The following SLC7A11 variants were observed in gnomAD, a reference collection of about 807,000 sequenced individuals.
SLC7A11 encodes the protein solute carrier family 7 member 11.
In SLC7A11, 35 loss-of-function variants were observed where a neutral mutation model predicts 54.5. That is an observed-to-expected ratio of 0.64 (90% CI 0.49 to 0.85). The LOEUF (loss-of-function observed/expected upper bound fraction) is 0.85, where lower values mean the gene tolerates loss of function less well. SLC7A11 is among the 40% of genes least tolerant of loss of function. SLC7A11 has a pLI of 0.00. For missense variants in SLC7A11, 583 were observed against 618.1 expected (o/e 0.94, Z 0.60); for synonymous variants, 230 against 225.2 (o/e 1.02, Z -0.19).
intron 6 of SLC7A11, among the ~76,000 whole-genome samples, chr4:138,194,813 T>C (rs936709104): frequency 6.6e-6 from 1 of 152,190 alleles, no homozygotes; most frequent in African/African-American, 2.4e-5. Context: ...GACAAGGGTG[T>C]TGAATTAATG....
At chr4:138,223,395 C>A in intron 3 of SLC7A11, 71 bp from the exon 4 acceptor site, 1 of 1,525,056 alleles carries the variant, frequency 6.6e-7, no homozygotes, top group African/African-American at 1.4e-5. Flanking sequence ...GTCCTTGTTA[C>A]TCAAAGGGCA....
At position 138,171,771 on chromosome 4, in the gene SLC7A11, T is replaced by C. The variant is rs1736430814; in HGVS notation, c.*185A>G. On this transcript the variant is annotated 3_prime_UTR_variant, in exon 12 of 12. Transcript: ENST00000280612. ...TAACTGCATATTCACTTTCTATAAC[T>C]ACATAGAGTTATAACTAAATTTCTT... The C allele has an allele frequency of 1.5e-6, 1 of 680,844 alleles. No homozygotes were observed. Among genetic ancestry groups the C allele is most frequent in the East Asian group, 3.3e-5 (1 of 30,368 alleles). 42.2% of individuals were successfully genotyped at this position (680,844 alleles called of 1,614,324 possible).
At chr4:138,173,798 G>A (rs1021063018) in intron 11 of SLC7A11, among the ~76,000 whole-genome samples, 12 of 151,936 alleles carry the variant, frequency 7.9e-5, no homozygotes, top group African/African-American at 2.9e-4. Context: ...ATTTTACACA[G>A]CCGACTCTTT....
intron 6 of SLC7A11, among the ~76,000 whole-genome samples, chr4:138,212,713 CT>C (rs1417147675): frequency 9.8e-4 from 149 of 151,858 alleles, no homozygotes; most frequent in Non-Finnish European, 4.9e-4. Context: ...TCAAGATATG[CT>C]TAATATACAC....
chr4:138,194,075 T>C (rs923405709), intron 6 of SLC7A11, among the ~76,000 whole-genome samples: 1 of 151,804 alleles, frequency 6.6e-6, no homozygotes, highest in Non-Finnish European at 1.5e-5. Context: ...ACAGAGGACA[T>C]GACATAGCAG....
chr4:138,169,054 T>G lies in SLC7A11; in HGVS notation c.*2902A>C, dbSNP rs1736342037. On this transcript the variant is annotated 3_prime_UTR_variant, in exon 12 of 12. Transcript: ENST00000280612. The stretch of plus-strand genomic sequence containing the variant: ...CCCACAAAAATTAAAAAATACTATA[T>G]TAGTTATTTTAAACAGTATTCATTA... 1 of 152,178 alleles carries G rather than the reference T, an allele frequency of 6.6e-6. No individual in the cohort carries two copies. The highest frequency in any genetic ancestry group is 2.4e-5 in the African/African-American group (1 of 41,448). 9.4% of individuals were successfully genotyped at this position (152,178 alleles called of 1,614,324 possible). A position where few individuals can be genotyped will look rare whatever the true frequency, so the allele number is the denominator to read the frequency against.
At position 138,172,912 on chromosome 4, in the gene SLC7A11, C is replaced by T. The variant is rs143142623; in HGVS notation, c.1445-895G>A. Among the ~76,000 whole-genome samples, 890 of 152,192 alleles carry T rather than the reference C, an allele frequency of 5.8e-3. 5 individuals are homozygous for T. Among genetic ancestry groups the T allele is most frequent in the African/African-American group, 0.02 (842 of 41,532 alleles). On this transcript the variant is annotated intron_variant, in intron 11 of 11. Transcript: ENST00000280612. ...AGGTTAGAGTGCAATGGTGCGATCT[C>T]GGCTCACTGAAACCTCCACCTCCCA...
chr4:138,231,822 G>A (rs116922681), intron 3 of SLC7A11, among the ~76,000 whole-genome samples: 1 of 152,192 alleles, frequency 6.6e-6, no homozygotes, highest in East Asian at 1.9e-4. Context: ...ACAGGCAGCT[G>A]ACATTATAAC....
At chr4:138,208,319 A>T (rs1186442744) in intron 6 of SLC7A11, among the ~76,000 whole-genome samples, 1 of 152,124 alleles carries the variant, frequency 6.6e-6, no homozygotes. Flanking sequence ...AGAAGGAATA[A>T]ATGAAGTGAG....
At position 138,241,878 on chromosome 4, in the gene SLC7A11, G is replaced by A. The variant is rs1738389346; in HGVS notation, c.192C>T (p.Ile64=). Residue 64 remains isoleucine, a synonymous_variant, in exon 1 of 12, where the codon ATC becomes ATT. Coordinates refer to ENST00000280612, the MANE Select transcript of SLC7A11 (RefSeq NM_014331.4). ...TGTTCTGGAGCACGCCCTTAGGAGA[G>A]ATGAAGATTCCTGCTCCAATGATGG... is the stretch of plus-strand genomic sequence containing the variant. The part of the protein sequence containing the change: ...IGTIIGAGIF[I]SPKGVLQNTG... 1.9e-6 allele frequency: 3 copies of A among 1,613,980 alleles called. No homozygotes were observed. Among genetic ancestry groups the A allele is most frequent in the East Asian group, 4.5e-5 (2 of 44,878 alleles).
chr4:138,217,401 T>C (rs1247262974), intron 5 of SLC7A11, among the ~76,000 whole-genome samples: 5 of 152,052 alleles, frequency 3.3e-5, no homozygotes, highest in African/African-American at 4.8e-5. Context: ...CATTTTGGGG[T>C]CAGCATCAAT....
In SLC7A11 at chr4:138,169,913, A is replaced by C. The variant is rs1736364629; in HGVS notation, c.*2043T>G. 6.6e-6 allele frequency: 1 copy of C among 152,006 alleles called. No individual in the cohort carries two copies. Among genetic ancestry groups the C allele is most frequent in the Non-Finnish European group, 1.5e-5 (1 of 67,982 alleles). 9.4% of individuals were successfully genotyped at this position (152,006 alleles called of 1,614,324 possible). A position where few individuals can be genotyped will look rare whatever the true frequency, so the allele number is the denominator to read the frequency against. ...ACCCAAACGTTAGGTTCAGCTAAAG[A>C]AATGTCAGTCTTGGATATATATTAA... On this transcript the variant is annotated 3_prime_UTR_variant, in exon 12 of 12. Transcript: ENST00000280612.
In SLC7A11 at chr4:138,179,280, C is replaced by CTCCA; in HGVS notation, c.1377_1380dup (p.Val461TrpfsTer19). ...ATAATAAAGAGATAATACGCAGGGA[C>CTCCA]TCCAGTCAGAGTGATGACGAAGCCA... On this transcript the variant is annotated frameshift_variant, in exon 11 of 12. Coordinates refer to ENST00000280612, the MANE Select transcript of SLC7A11 (RefSeq NM_014331.4). LOFTEE classifies it high-confidence loss of function. The CTCCA allele has an allele frequency of 6.2e-7, 1 of 1,612,692 alleles. No individual in the cohort carries two copies. Among genetic ancestry groups the CTCCA allele is most frequent in the Non-Finnish European group, 8.5e-7 (1 of 1,179,046 alleles).
rs1365590469 is a variant in SLC7A11, at chr4:138,170,236, G to A, written c.*1720C>T. The stretch of plus-strand genomic sequence containing the variant: ...ATATATATATATATATATAAAAAGT[G>A]TGTGTGTGTGTGTGTATATATATAT... On this transcript the variant is annotated 3_prime_UTR_variant, in exon 12 of 12. Coordinates refer to ENST00000280612, the MANE Select transcript of SLC7A11 (RefSeq NM_014331.4). 1.5e-4 allele frequency: 8 copies of A among 54,234 alleles called. No individual in the cohort carries two copies. The East Asian group carries it at 2.7e-3, about 18-fold the overall frequency. 3.4% of individuals were successfully genotyped at this position (54,234 alleles called of 1,614,324 possible).
intron 2 of SLC7A11, among the ~76,000 whole-genome samples, chr4:138,235,026 T>C (rs920943556): frequency 2.0e-5 from 3 of 152,242 alleles, no homozygotes; most frequent in African/African-American, 7.2e-5. Context: ...CTTATCTTTG[T>C]ATGCTTGAAA....
At chr4:138,179,538 T>C (rs1736669204) in intron 10 of SLC7A11, 144 bp from the exon 11 acceptor site, 1 of 612,312 alleles carries the variant, frequency 1.6e-6, no homozygotes, top group Non-Finnish European at 2.9e-6. Context: ...CGTGCCTTAG[T>C]AGCAAAATCT....
At chr4:138,217,477 C>A (rs567293756) in intron 5 of SLC7A11, among the ~76,000 whole-genome samples, 3 of 152,086 alleles carry the variant, frequency 2.0e-5, no homozygotes, top group Non-Finnish European at 4.4e-5. Flanking sequence ...AATTCATCAG[C>A]CCTCAAAAGC....
At chr4:138,187,925 T>A (rs1736916424) in intron 6 of SLC7A11, among the ~76,000 whole-genome samples, 1 of 152,002 alleles carries the variant, frequency 6.6e-6, no homozygotes, top group African/African-American at 2.4e-5. Context: ...AGACTAACAA[T>A]CTTACTATCA....
chr4:138,206,518 A>G (rs1737410753), intron 6 of SLC7A11, among the ~76,000 whole-genome samples: 1 of 151,672 alleles, frequency 6.6e-6, no homozygotes, highest in South Asian at 2.1e-4. Flanking sequence ...ATTTTGCCTC[A>G]TAGTGGAATT....
Sources: gnomAD v4.1 joint callset for allele counts (sites outside exome capture counted in the v4.1 genomes callset) on GRCh38, gnomAD v4.1.1 for gene constraint, MANE v1.5 for transcripts, NCBI Gene and HGNC (gene_info 2026-07-23, HGNC 2026-07-21) for gene names.